Variants in MYH14 observed in about 807,000 individuals in gnomAD.
MYH14 encodes myosin heavy chain 14.
Under a neutral mutation model 255.5 loss-of-function variants are expected in MYH14, and 123 were observed. The observed-to-expected ratio is 0.48, with a 90% CI of 0.42 to 0.56. The LOEUF is 0.56. Among genes scored for constraint, MYH14 ranks in the 20% least tolerant of loss-of-function variants. MYH14 has a pLI of 0.00. For synonymous variants in MYH14, 1,095 were observed against 1,161.2 expected (o/e 0.94, Z 1.16); for missense variants, 2,423 against 2,802.3 (o/e 0.86, Z 3.06).
At position 50,259,138 on chromosome 19, in the gene MYH14, C is replaced by T. The variant is rs754639081; in HGVS notation, c.2233-6C>T. ...TGACCCCCGCGTGTCCGTCCGCTCT[C>T]CCCAGGCCGGGAAGCTGGAGCCACG... On this transcript the variant is annotated splice_polypyrimidine_tract_variant and splice_region_variant and intron_variant, in intron 18 of 42. Transcript: ENST00000642316. The T allele has an allele frequency of 1.3e-6, 2 of 1,552,520 alleles. No homozygotes were observed. The highest frequency in any genetic ancestry group is 1.2e-5 in the South Asian group (1 of 84,322).
At chr19:50,283,205 C>T (rs946132999) in intron 33 of MYH14, among the ~76,000 whole-genome samples, 31 of 152,220 alleles carry the variant, frequency 2.0e-4, no homozygotes, top group African/African-American at 7.0e-4. Context: ...CTGCAACCTC[C>T]ACCTCTCAGG....
At chr19:50,268,602 G>T (rs920378098) in intron 24 of MYH14, among the ~76,000 whole-genome samples, 3 of 152,212 alleles carry the variant, frequency 2.0e-5, no homozygotes, top group African/African-American at 7.2e-5. Context: ...TTCAGGCCTG[G>T]CTGGATCCAG....
intron 1 of MYH14, among the ~76,000 whole-genome samples, chr19:50,203,958 CTG>C (rs1276229760): frequency 6.6e-6 from 1 of 152,182 alleles, no homozygotes; most frequent in Non-Finnish European, 1.5e-5. Context: ...GAAACTGAGG[CTG>C]TCTTTGGAAC....
Position 50,260,679 on chromosome 19 carries a change from G to C in MYH14, c.2388G>C (p.Lys796Asn), listed in dbSNP as rs763618623. ...YEILTPNAIP[K>N]GFMDGKQACE... The stretch of plus-strand genomic sequence containing the variant: ...TCCTGACACCCAATGCCATCCCCAA[G>C]GGCTTCATGGATGGGAAGCAGGCCT... The change falls in exon 20 of 43, where the codon AAG becomes AAC. Residue 796 changes from lysine to asparagine, a missense_variant. Physicochemically the swap from Lys to Asn is moderately conservative, Grantham distance 94. Transcript: ENST00000642316. The C allele has an allele frequency of 6.2e-7, 1 of 1,613,432 alleles. No individual in the cohort carries two copies. The highest frequency in any genetic ancestry group is 1.1e-5 in the South Asian group (1 of 91,038).
At position 50,273,596 on chromosome 19, in the gene MYH14, TG is replaced by T. The variant is rs373027155; in HGVS notation, c.3467+871del. ...TGTGCATCTTAGAGTTGATGGAACA[TG>T]GGGGGTGTGTGTGTGTGTGTGTGTG... On this transcript the variant is annotated intron_variant, in intron 27 of 42. Transcript: ENST00000642316. Among the ~76,000 whole-genome samples the T allele has an allele frequency of 7.6e-5, 7 of 91,514 alleles. No individual in the cohort carries two copies. The South Asian group carries it at 2.3e-3, about 30-fold the overall frequency. 60.0% of individuals were successfully genotyped at this position (91,514 alleles called of 152,430 possible). A position where few individuals can be genotyped will look rare whatever the true frequency, so the allele number is the denominator to read the frequency against.
At chr19:50,209,739 G>C (rs1297067897) in intron 1 of MYH14, among the ~76,000 whole-genome samples, 2 of 145,676 alleles carry the variant, frequency 1.4e-5, no homozygotes, top group African/African-American at 5.1e-5. Context: ...AGCCGAGATC[G>C]TGCCACTGCA....
chr19:50,207,275 G>GAGAGAC (rs1568458408), intron 1 of MYH14, among the ~76,000 whole-genome samples: 1 of 128,132 alleles, frequency 7.8e-6, no homozygotes. Context: ...GAGAGACAGA[G>GAGAGAC]AGAGAGAGAG....
intron 5 of MYH14, 122 bp from the exon 6 acceptor site, chr19:50,224,032 T>TTCCCCCCCCCCCCCCCC: frequency 3.3e-6 from 2 of 610,332 alleles, no homozygotes; most frequent in Admixed American, 2.2e-5. Flanking sequence ...ATGCCCGGTT[T>TTCCCCCCCCCCCCCCCC]CCCCAGTCCC....
intron 3 of MYH14, among the ~76,000 whole-genome samples, chr19:50,219,012 AT>A (rs1212044403): frequency 1.2e-4 from 5 of 42,288 alleles, no homozygotes; most frequent in Non-Finnish European, 4.6e-4. Flanking sequence ...GTATATATAT[AT>A]TTTTTATATA....
Position 50,293,468 on chromosome 19 carries a change from A to G in MYH14, c.5346-96A>G, listed in dbSNP as rs992973068. On this transcript the variant is annotated intron_variant, in intron 38 of 42. Coordinates refer to ENST00000642316, the MANE Select transcript of MYH14 (RefSeq NM_001145809.2). The surrounding 1 kb of genome is among the most constrained non-coding windows in gnomAD (Gnocchi z 4.1). Reference sequence around the variant, plus strand: ...GCCCCTGGGGTGTGAGGCTGGGGAGATGCGTGGGGCTAACCACAGGGTCCT... The same window carrying G: ...GCCCCTGGGGTGTGAGGCTGGGGAGGTGCGTGGGGCTAACCACAGGGTCCT... The G allele has an allele frequency of 1.9e-6, 3 of 1,558,592 alleles. No homozygotes were observed. Among genetic ancestry groups the G allele is most frequent in the South Asian group, 1.2e-5 (1 of 85,450 alleles).
intron 10 of MYH14, among the ~76,000 whole-genome samples, chr19:50,241,516 C>G (rs911240101): frequency 2.0e-5 from 3 of 152,168 alleles, no homozygotes; most frequent in African/African-American, 4.8e-5. Context: ...ACACCACACA[C>G]AGCTCTGCTG....
At chr19:50,295,349 C>A (rs1418225221) in intron 39 of MYH14, among the ~76,000 whole-genome samples, 2 of 146,980 alleles carry the variant, frequency 1.4e-5, no homozygotes, top group Admixed American at 6.8e-5. Context: ...AAAAACAAAA[C>A]AAAAAAAACA....
chr19:50,256,268 CTG>C, intron 17 of MYH14, among the ~76,000 whole-genome samples: 1 of 152,172 alleles, frequency 6.6e-6, no homozygotes, highest in South Asian at 2.1e-4. Context: ...GACAGTGAGA[CTG>C]TGTCTCAGAA....
intron 16 of MYH14, among the ~76,000 whole-genome samples, chr19:50,253,306 C>A (rs1214464793): frequency 6.6e-6 from 1 of 151,910 alleles, no homozygotes; most frequent in African/African-American, 2.4e-5. Context: ...AGCCAGATGT[C>A]CTGGTGCATG....
Position 50,230,957 on chromosome 19 carries a change from A to C in MYH14, c.973+334A>C. ...CGGCTTCTCCTCACTCCGGCGGGTG[A>C]CTCCGGCTTTGCTGAGGCTCCTCCT... is the stretch of plus-strand genomic sequence containing the variant. On this transcript the variant is annotated intron_variant, in intron 9 of 42. Coordinates refer to ENST00000642316, the MANE Select transcript of MYH14 (RefSeq NM_001145809.2). The surrounding 1 kb of genome is among the most constrained non-coding windows in gnomAD (Gnocchi z 4.7). The C allele has an allele frequency of 1.0e-5, 3 of 294,456 alleles. No homozygotes were observed. Among genetic ancestry groups the C allele is most frequent in the Non-Finnish European group, 1.3e-5 (2 of 153,058 alleles). The allele number at this position is 294,456 out of a possible 1,614,324, so 18.2% of individuals were successfully genotyped here.
intron 11 of MYH14, among the ~76,000 whole-genome samples, chr19:50,246,426 G>A (rs141765055): frequency 1.4e-3 from 215 of 152,226 alleles, no homozygotes; most frequent in African/African-American, 4.6e-3. Flanking sequence ...GATTACGGGC[G>A]TGAGCCACCG....
chr19:50,209,903 G>A (rs1295660662), intron 1 of MYH14, among the ~76,000 whole-genome samples: 2 of 151,342 alleles, frequency 1.3e-5, no homozygotes, highest in African/African-American at 4.9e-5. Flanking sequence ...TTCGAGACCA[G>A]CCTGGCCAAC....
At chr19:50,216,796 CCTTT>C (rs761543596) in intron 2 of MYH14, among the ~76,000 whole-genome samples, 6 of 134,542 alleles carry the variant, frequency 4.5e-5, no homozygotes, top group South Asian at 2.5e-4. Flanking sequence ...CCTCTTCCAT[CCTTT>C]CTTTTTTTTT....
chr19:50,298,354 T>G (rs1190772479), intron 39 of MYH14, among the ~76,000 whole-genome samples: 1 of 151,416 alleles, frequency 6.6e-6, no homozygotes, highest in Non-Finnish European at 1.5e-5. Context: ...CAAATTATGA[T>G]CAAGGAACCA....
Sources: allele counts gnomAD v4.1 joint callset (sites outside exome capture counted in the v4.1 genomes callset), GRCh38; gene constraint gnomAD v4.1.1; non-coding constraint Gnocchi (gnomAD v3.1); transcripts MANE v1.5; gene names NCBI Gene and HGNC (gene_info 2026-07-23, HGNC 2026-07-21).